The following SLC5A4 variants were observed in gnomAD, a reference collection of about 807,000 sequenced individuals.
SLC5A4 encodes solute carrier family 5 member 4, also known as probable glucose sensor protein SLC5A4.
Under a neutral mutation model 70.3 loss-of-function variants are expected in SLC5A4, and 55 were observed. The observed-to-expected ratio is 0.78, with a 90% CI of 0.63 to 0.98. The LOEUF is 0.98. SLC5A4 is among the 50% of genes least tolerant of loss of function. The pLI, the probability that SLC5A4 is intolerant of heterozygous loss-of-function variation, is 0.00. For synonymous variants in SLC5A4, 268 were observed against 305.7 expected (o/e 0.88, Z 1.29); for missense variants, 735 against 839.2 (o/e 0.88, Z 1.53).
the SLC5A4 span, among the ~76,000 whole-genome samples, chr22:32,265,285 G>A: frequency 6.6e-6 from 1 of 152,210 alleles, no homozygotes; most frequent in Non-Finnish European, 1.5e-5. Flanking sequence ...CTACTGGGGA[G>A]GCTGAGGCAG....
chr22:32,299,558 A>G, the SLC5A4 span, among the ~76,000 whole-genome samples: 321 of 103,510 alleles, frequency 3.1e-3, 1 homozygote, highest in Non-Finnish European at 5.3e-3. Flanking sequence ...ACATTCTTCT[A>G]AATTTTTTTC....
the SLC5A4 span, among the ~76,000 whole-genome samples, chr22:32,336,075 G>A: frequency 6.6e-6 from 1 of 152,208 alleles, no homozygotes; most frequent in South Asian, 2.1e-4. Context: ...CCAGGACAAA[G>A]GAAATAAATT....
chr22:32,322,607 A>G, the SLC5A4 span, among the ~76,000 whole-genome samples: 8 of 149,836 alleles, frequency 5.3e-5, no homozygotes, highest in Non-Finnish European at 7.4e-5. Flanking sequence ...AATTATTGGA[A>G]AAAAAAAAAG....
the SLC5A4 span, among the ~76,000 whole-genome samples, chr22:32,329,837 G>A: frequency 5.7e-5 from 1 of 17,476 alleles, no homozygotes; most frequent in Non-Finnish European, 9.3e-5. Flanking sequence ...TGGGGGCTCT[G>A]GTGTGTGTGT....
chr22:32,270,984 T>C, the SLC5A4 span: 4 of 523,962 alleles, frequency 7.6e-6, no homozygotes, highest in Non-Finnish European at 1.4e-5. Flanking sequence ...CACAGTGGCT[T>C]GGAGGCCGAG....
At chr22:32,249,679 C>T (rs1927030310) in intron 3 of SLC5A4, among the ~76,000 whole-genome samples, 2 of 152,230 alleles carry the variant, frequency 1.3e-5, no homozygotes. Context: ...TTCCTTTACA[C>T]AGGCATCGTC....
At chr22:32,242,184 C>T (rs1926570899) in intron 5 of SLC5A4, among the ~76,000 whole-genome samples, 1 of 152,114 alleles carries the variant, frequency 6.6e-6, no homozygotes, top group African/African-American at 2.4e-5. Context: ...ACCCAATAAG[C>T]ACACTTAGCA....
chr22:32,270,493 G>C, the SLC5A4 span: 1 of 769,080 alleles, frequency 1.3e-6, no homozygotes, highest in Non-Finnish European at 2.3e-6. Context: ...CAGCACCCCC[G>C]AAGCGGACAA....
the SLC5A4 span, chr22:32,272,422 AG>A: frequency 1.1e-6 from 1 of 885,404 alleles, no homozygotes; most frequent in Non-Finnish European, 1.9e-6. Context: ...CATGGTCGAC[AG>A]GCAGCTCTAC....
At chr22:32,306,212 T>G in the SLC5A4 span, among the ~76,000 whole-genome samples, 2 of 152,194 alleles carry the variant, frequency 1.3e-5, no homozygotes, top group African/African-American at 4.8e-5. Flanking sequence ...ACGCCTGTAA[T>G]CCCAGCACTT....
At chr22:32,257,432 G>GAGGT (rs1927543210), upstream of SLC5A4, among the ~76,000 whole-genome samples, 2 of 152,118 alleles carry the variant, frequency 1.3e-5, no homozygotes, top group African/African-American at 4.8e-5. Context: ...ATGGCTCAGT[G>GAGGT]CAGCCTCAAC....
At chr22:32,307,536 A>G in the SLC5A4 span, among the ~76,000 whole-genome samples, 1 of 152,182 alleles carries the variant, frequency 6.6e-6, no homozygotes, top group Admixed American at 6.5e-5. Flanking sequence ...TCTGTTGAAT[A>G]GGTGAGGGAA....
intron 8 of SLC5A4, among the ~76,000 whole-genome samples, chr22:32,233,486 C>T (rs1925880982): frequency 6.6e-6 from 1 of 151,970 alleles, no homozygotes; most frequent in South Asian, 2.1e-4. Flanking sequence ...AGACAATAGG[C>T]AATACTGGAA....
chr22:32,271,476 T>C, the SLC5A4 span: 3 of 741,780 alleles, frequency 4.0e-6, no homozygotes, highest in Admixed American at 5.4e-5. Context: ...CAAAGTCCAC[T>C]TTAAGAAGGT....
chr22:32,327,526 G>A, the SLC5A4 span: 3 of 152,442 alleles, frequency 2.0e-5, no homozygotes, highest in African/African-American at 7.2e-5. Flanking sequence ...GCTGAAGAGA[G>A]ACCCGAGGCC....
chr22:32,300,425 G>C, the SLC5A4 span, among the ~76,000 whole-genome samples: 2 of 152,140 alleles, frequency 1.3e-5, no homozygotes, highest in African/African-American at 2.4e-5. Context: ...TGATTTTCCA[G>C]GTGCCGTCCG....
chr22:32,225,607 T>C (rs1346476594), intron 12 of SLC5A4, 48 bp downstream of exon 12: 1 of 1,300,778 alleles, frequency 7.7e-7, no homozygotes, highest in Non-Finnish European at 1.1e-6. Context: ...AAATAAACGA[T>C]TTTTTTCTCA....
At chr22:32,248,461 G>T (rs1346892838) in intron 4 of SLC5A4, among the ~76,000 whole-genome samples, 1 of 152,026 alleles carries the variant, frequency 6.6e-6, no homozygotes, top group East Asian at 1.9e-4. Flanking sequence ...CATTATAATT[G>T]TCTAACCCAC....
At chr22:32,265,410 TA>T in the SLC5A4 span, among the ~76,000 whole-genome samples, 1 of 151,820 alleles carries the variant, frequency 6.6e-6, no homozygotes, top group African/African-American at 2.4e-5. Context: ...TTTGCTTCCT[TA>T]AATTATATTA....
Sources: allele counts gnomAD v4.1 joint callset (sites outside exome capture counted in the v4.1 genomes callset), GRCh38; gene constraint gnomAD v4.1.1; transcripts MANE v1.5; gene names NCBI Gene and HGNC (gene_info 2026-07-23, HGNC 2026-07-21).